Variants in CNBD1 observed in about 807,000 individuals in gnomAD.
CNBD1 encodes the protein cyclic nucleotide-binding domain-containing protein 1.
Under a neutral mutation model 54.4 loss-of-function variants are expected in CNBD1, and 71 were observed. That is an observed-to-expected ratio of 1.30 (90% CI 1.08 to 1.59). The LOEUF is 1.59. Ranked by LOEUF, CNBD1 falls within the 40% of genes most tolerant of loss-of-function variation. The probability of loss-of-function intolerance (pLI) is 0.00; values close to 1 mark genes in which losing one functional copy is unlikely to be tolerated. For missense variants in CNBD1, 659 were observed against 518.0 expected (o/e 1.27, Z -2.64); for synonymous variants, 182 against 170.7 (o/e 1.07, Z -0.51).
intron 4 of CNBD1, among the ~76,000 whole-genome samples, chr8:87,087,594 G>A (rs192935496): frequency 1.5e-4 from 22 of 151,230 alleles, no homozygotes; most frequent in African/African-American, 5.1e-4. Context: ...CTCCCGAGTA[G>A]CTGGGACTAC....
chr8:87,376,120 TA>T (rs570707409), intron 10 of CNBD1, among the ~76,000 whole-genome samples: 224 of 152,028 alleles, frequency 1.5e-3, no homozygotes, highest in African/African-American at 4.9e-3. Flanking sequence ...ACTGTGACTG[TA>T]AAGGAAATAT....
At chr8:87,398,447 C>T (rs1811446539) in intron 2 of CNBD1, among the ~76,000 whole-genome samples, 1 of 151,810 alleles carries the variant, frequency 6.6e-6, no homozygotes, top group African/African-American at 2.4e-5. Context: ...ATGTAATAAA[C>T]ATTTGCTGTG....
intron 4 of CNBD1, among the ~76,000 whole-genome samples, chr8:86,982,435 A>G (rs1808507877): frequency 6.6e-6 from 1 of 152,136 alleles, no homozygotes; most frequent in East Asian, 1.9e-4. Flanking sequence ...CTCTTCATGT[A>G]AGCCTGTGAT....
chr8:87,262,921 G>T (rs529579971), intron 6 of CNBD1, among the ~76,000 whole-genome samples: 258 of 152,248 alleles, frequency 1.7e-3, no homozygotes, highest in South Asian at 3.1e-3. Context: ...GATGGAGTGG[G>T]AATGGGTAGA....
At chr8:87,231,558 A>G (rs1026659163) in intron 5 of CNBD1, among the ~76,000 whole-genome samples, 4 of 152,216 alleles carry the variant, frequency 2.6e-5, no homozygotes, top group African/African-American at 7.2e-5. Context: ...TATGTTTAGA[A>G]TAGTGTCTCT....
At chr8:87,402,216 G>T (rs555394771) in intron 2 of CNBD1, among the ~76,000 whole-genome samples, 2 of 151,858 alleles carry the variant, frequency 1.3e-5, no homozygotes, top group South Asian at 4.2e-4. Context: ...GGAAAAACCC[G>T]CCTCCATGAT....
At chr8:86,963,400 C>T (rs997246568) in intron 4 of CNBD1, among the ~76,000 whole-genome samples, 1 of 152,206 alleles carries the variant, frequency 6.6e-6, no homozygotes, top group Admixed American at 6.5e-5. Flanking sequence ...TCATCTGCCT[C>T]AGGTCTATTG....
intron 3 of CNBD1, among the ~76,000 whole-genome samples, chr8:86,938,995 G>A (rs570721002): frequency 5.2e-4 from 79 of 152,038 alleles, no homozygotes; most frequent in Non-Finnish European, 1.0e-3. Context: ...CTTAAACACA[G>A]ACAGCACTTG....
chr8:87,338,647 A>G (rs1227631346), intron 8 of CNBD1, among the ~76,000 whole-genome samples: 3 of 147,674 alleles, frequency 2.0e-5, no homozygotes, highest in Non-Finnish European at 4.5e-5. Context: ...TGAAAAGTAT[A>G]TAGTTAGATA....
At chr8:87,380,649 C>A (rs983445951) in intron 10 of CNBD1, among the ~76,000 whole-genome samples, 1 of 151,906 alleles carries the variant, frequency 6.6e-6, no homozygotes, top group Non-Finnish European at 1.5e-5. Flanking sequence ...AGTCTGTGAA[C>A]GTGAGATGTC....
chr8:87,321,197 A>C (rs1282968121), intron 8 of CNBD1, among the ~76,000 whole-genome samples: 1 of 152,208 alleles, frequency 6.6e-6, no homozygotes, highest in Non-Finnish European at 1.5e-5. Context: ...AATATCCAGA[A>C]GTAAGAATGC....
chr8:87,310,949 T>A (rs1190067124), intron 8 of CNBD1, among the ~76,000 whole-genome samples: 1 of 151,982 alleles, frequency 6.6e-6, no homozygotes, highest in African/African-American at 2.4e-5. Context: ...AAAAATTAAG[T>A]CGAGATGGAG....
At chr8:87,186,160 A>AT (rs535713134) in intron 4 of CNBD1, among the ~76,000 whole-genome samples, 1,740 of 152,114 alleles carry the variant, frequency 0.011, 17 homozygotes, top group Non-Finnish European at 0.018. Flanking sequence ...TCTAATTTTA[A>AT]TTTTTTTCTA....
rs569895643 is a variant in CNBD1 at position 87,314,455 on chromosome 8, T to C, written c.1042+27784T>C. Among the ~76,000 whole-genome samples the C allele has an allele frequency of 7.8e-4, 118 of 152,020 alleles. 1 individual carries two copies. Among genetic ancestry groups the C allele is most frequent in the African/African-American group, 2.7e-3 (111 of 41,542 alleles). ...ACATTCTTAATAAAATAAGAATAGATGAAAACTTTCATGATATGATAAAGT... is the reference window on the plus strand; with the variant it reads ...ACATTCTTAATAAAATAAGAATAGACGAAAACTTTCATGATATGATAAAGT... On this transcript the variant is annotated intron_variant, in intron 8 of 10. Transcript: ENST00000518476.
chr8:87,079,446 G>A (rs1170284787), intron 4 of CNBD1, among the ~76,000 whole-genome samples: 1 of 151,996 alleles, frequency 6.6e-6, no homozygotes, highest in Non-Finnish European at 1.5e-5. Flanking sequence ...CAGTATATGA[G>A]AGTCTCAGTT....
intron 4 of CNBD1, among the ~76,000 whole-genome samples, chr8:87,077,645 C>G (rs1810902491): frequency 6.8e-6 from 1 of 147,882 alleles, no homozygotes; most frequent in South Asian, 2.2e-4. Context: ...TCAATTCCCA[C>G]CTATGAGTGA....
chr8:87,238,452 T>C (rs1039010075), intron 6 of CNBD1, among the ~76,000 whole-genome samples: 11 of 152,114 alleles, frequency 7.2e-5, no homozygotes, highest in Non-Finnish European at 1.5e-4. Flanking sequence ...ATTCTGCCTG[T>C]TTATTCTCTG....
At chr8:87,370,671 G>T (rs1810766377) in intron 10 of CNBD1, among the ~76,000 whole-genome samples, 1 of 151,154 alleles carries the variant, frequency 6.6e-6, no homozygotes, top group Admixed American at 6.6e-5. Flanking sequence ...CTCCCATTTT[G>T]TAGGTTGCCT....
chr8:86,926,991 G>T (rs904685924), intron 3 of CNBD1, among the ~76,000 whole-genome samples: 3 of 152,160 alleles, frequency 2.0e-5, no homozygotes, highest in African/African-American at 7.2e-5. Flanking sequence ...TCAATGTTGG[G>T]ACTTAGGAAG....
Sources: gnomAD v4.1 joint callset for allele counts (sites outside exome capture counted in the v4.1 genomes callset) on GRCh38, gnomAD v4.1.1 for gene constraint, MANE v1.5 for transcripts, NCBI Gene and HGNC (gene_info 2026-07-23, HGNC 2026-07-21) for gene names.